CHRM5: variants seen among roughly 807,000 people sequenced by gnomAD.
CHRM5 encodes cholinergic receptor muscarinic 5.
CHRM5 carries 18 observed loss-of-function variants against 39.0 expected under a neutral mutation model. That is an observed-to-expected ratio of 0.46 (90% CI 0.32 to 0.68). CHRM5 has a LOEUF of 0.68. Among genes scored for constraint, CHRM5 ranks in the 30% least tolerant of loss-of-function variants. CHRM5 has a pLI of 0.04. For synonymous variants in CHRM5, 241 were observed against 246.3 expected, an observed-to-expected ratio of 0.98 and a Z score of 0.20; for missense variants, 515 against 651.1, an observed-to-expected ratio of 0.79 and a Z score of 2.28.
At chr15:34,013,664 CAT>C (rs1004116191) in intron 1 of CHRM5, among the ~76,000 whole-genome samples, 21 of 152,284 alleles carry the variant, frequency 1.4e-4, no homozygotes, top group African/African-American at 4.6e-4. Context: ...GAGAAGTAAA[CAT>C]ATATAGTGTG....
intron 1 of CHRM5, among the ~76,000 whole-genome samples, chr15:34,022,991 G>A (rs1317120511): frequency 6.6e-6 from 1 of 152,178 alleles, no homozygotes; most frequent in Non-Finnish European, 1.5e-5. Context: ...TTCAAGACTA[G>A]CTTGGCCAAC....
At chr15:34,038,946 G>A (rs1446059772) in intron 1 of CHRM5, 1 of 1,100,388 alleles carries the variant, frequency 9.1e-7, no homozygotes, top group Non-Finnish European at 1.1e-6. Context: ...TCTGGCTACC[G>A]CCGCTGCGGC....
In CHRM5 at chr15:34,055,254, T is replaced by A. The variant is rs180970628; in HGVS notation, c.-75-7389T>A. ...TAGCTCGCACCTGTAATCCCAGCAT[T>A]TGGGAGGCCGAGGTGGGTGGATCTC... On this transcript the variant is annotated intron_variant, in intron 2 of 2. Transcript: ENST00000383263. 1.8e-3 allele frequency among the ~76,000 whole-genome samples: 269 copies of A among 151,220 alleles called. 1 individual carries two copies. The highest frequency in any genetic ancestry group is 0.017 in the Admixed American group (252 of 15,206).
Position 34,039,061 on chromosome 15 carries a change from C to T in CHRM5, c.-407-7479C>T, listed in dbSNP as rs891905059. On this transcript the variant is annotated intron_variant, in intron 1 of 2. Transcript: ENST00000383263. ...TCCGCCTGCATCTGGCCGCCGCTGG[C>T]GGTGCTGAGCGCGCGGGAGCCGAGC... 3.7e-6 allele frequency: 4 copies of T among 1,092,090 alleles called. No homozygotes were observed. In the African/African-American group the frequency reaches 5.1e-5, roughly 14 times the overall value. 67.6% of individuals were successfully genotyped at this position (1,092,090 alleles called of 1,614,324 possible).
chr15:33,986,232 G>A (rs1987383), intron 1 of CHRM5, among the ~76,000 whole-genome samples: 141,923 of 151,822 alleles, frequency 0.93, 66,934 homozygotes, highest in Non-Finnish European at 1. Context: ...TCAGCCTCCC[G>A]AGTAGCTGGG....
At chr15:33,993,155 GA>G (rs1190452883) in intron 1 of CHRM5, among the ~76,000 whole-genome samples, 2 of 151,948 alleles carry the variant, frequency 1.3e-5, no homozygotes, top group African/African-American at 2.4e-5. Context: ...GACTTTTGGG[GA>G]AAAAAAATGA....
At chr15:33,976,167 G>C (rs1188600786) in intron 1 of CHRM5, among the ~76,000 whole-genome samples, 2 of 151,960 alleles carry the variant, frequency 1.3e-5, no homozygotes, top group Non-Finnish European at 2.9e-5. Flanking sequence ...TTTTAAAAGA[G>C]GAAATATGAT....
chr15:34,052,957 A>G (rs993080060), intron 2 of CHRM5, among the ~76,000 whole-genome samples: 1 of 152,168 alleles, frequency 6.6e-6, no homozygotes, highest in African/African-American at 2.4e-5. Context: ...ATCTCATGAA[A>G]CTACCATTGA....
chr15:34,022,004 G>C (rs1025587363), intron 1 of CHRM5, among the ~76,000 whole-genome samples: 1 of 152,204 alleles, frequency 6.6e-6, no homozygotes, highest in Admixed American at 6.5e-5. Context: ...TTTGTACTTA[G>C]AGAATTCAAG....
chr15:34,008,451 T>C (rs1284891237), intron 1 of CHRM5, among the ~76,000 whole-genome samples: 6 of 147,468 alleles, frequency 4.1e-5, no homozygotes, highest in Admixed American at 1.3e-4. Flanking sequence ...AGAAAAATAA[T>C]GCCTGAAAAC....
rs1895514176 is a variant in CHRM5, at chr15:33,969,012, C to T, written c.-546C>T. The T allele has an allele frequency of 1.3e-5, 2 of 151,962 alleles. No individual in the cohort carries two copies. Among genetic ancestry groups the T allele is most frequent in the Admixed American group, 1.3e-4 (2 of 15,238 alleles). 9.4% of individuals were successfully genotyped at this position (151,962 alleles called of 1,614,324 possible). On this transcript the variant is annotated 5_prime_UTR_variant, in exon 1 of 3. Coordinates refer to ENST00000383263, the MANE Select transcript of CHRM5 (RefSeq NM_012125.4). ...TAATGCTACAGGATTATCAGGAATA[C>T]AGATATAAAGACACTGCAAGAAATA...
chr15:34,016,674 T>C (rs1414618879), intron 1 of CHRM5, among the ~76,000 whole-genome samples: 1 of 152,236 alleles, frequency 6.6e-6, no homozygotes, highest in South Asian at 2.1e-4. Context: ...CTATGGAGTA[T>C]GTAATCAGAA....
intron 1 of CHRM5, among the ~76,000 whole-genome samples, chr15:34,025,210 A>G (rs1898402519): frequency 6.6e-6 from 1 of 152,224 alleles, no homozygotes; most frequent in Non-Finnish European, 1.5e-5. Context: ...GTGAAAATGA[A>G]TAAGATTCTG....
At chr15:34,001,512 C>T (rs1205425881) in intron 1 of CHRM5, among the ~76,000 whole-genome samples, 1 of 152,182 alleles carries the variant, frequency 6.6e-6, no homozygotes, top group African/African-American at 2.4e-5. Flanking sequence ...CTAACCAGCT[C>T]ATATTTTACC....
In CHRM5 at chr15:34,032,107, T is replaced by C. The variant is rs1898881181; in HGVS notation, c.-407-14433T>C. 2.6e-5 allele frequency among the ~76,000 whole-genome samples: 4 copies of C among 152,188 alleles called. No homozygotes were observed. In the South Asian group the frequency reaches 8.3e-4, roughly 32 times the overall value. ...TCCAGTGCCGTAATAAGTTAGTCAG[T>C]AGCTTCTATCAAATAGAAATTACTA... On this transcript the variant is annotated intron_variant, in intron 1 of 2. Transcript: ENST00000383263.
At position 34,026,041 on chromosome 15, in the gene CHRM5, T is replaced by TA. The variant is rs1898453523; in HGVS notation, c.-407-20493dup. Among the ~76,000 whole-genome samples the TA allele has an allele frequency of 2.6e-5, 4 of 152,316 alleles. No homozygotes were observed. In the South Asian group the frequency reaches 8.3e-4, roughly 32 times the overall value. ...CTATGTTTCTGATAATACACAACAG[T>TA]AAAAAATATGAATAAAGGAAAGACA... On this transcript the variant is annotated intron_variant, in intron 1 of 2. Transcript: ENST00000383263.
intron 1 of CHRM5, among the ~76,000 whole-genome samples, chr15:33,984,074 G>C (rs1385782541): frequency 6.6e-6 from 1 of 152,070 alleles, no homozygotes; most frequent in Non-Finnish European, 1.5e-5. Context: ...ATGTAATGTG[G>C]TATCCTGAGT....
intron 2 of CHRM5, among the ~76,000 whole-genome samples, chr15:34,057,130 TGG>T (rs1567491796): frequency 2.0e-5 from 1 of 50,494 alleles, no homozygotes; most frequent in Non-Finnish European, 1.0e-4. Flanking sequence ...AGAAGAGTTT[TGG>T]TTTTTTTTGG....
At chr15:34,019,099 G>T (rs1051404850) in intron 1 of CHRM5, among the ~76,000 whole-genome samples, 1 of 152,184 alleles carries the variant, frequency 6.6e-6, no homozygotes, top group Non-Finnish European at 1.5e-5. Flanking sequence ...ACAGAGTGCT[G>T]ATTGGTGCAT....
Sources: gnomAD v4.1 joint callset for allele counts (sites outside exome capture counted in the v4.1 genomes callset) on GRCh38, gnomAD v4.1.1 for gene constraint, MANE v1.5 for transcripts, NCBI Gene and HGNC (gene_info 2026-07-23, HGNC 2026-07-21) for gene names.